ANO6: variants seen among roughly 807,000 people sequenced by gnomAD.
The protein encoded by ANO6 is anoctamin 6, also known as anoctamin-6.
ANO6 carries 106 observed loss-of-function variants against 117.5 expected under a neutral mutation model. That is an observed-to-expected ratio of 0.90 (90% CI 0.77 to 1.06). The LOEUF (loss-of-function observed/expected upper bound fraction) is 1.06, where lower values mean the gene tolerates loss of function less well. Among genes scored for constraint, ANO6 ranks in the 50% least tolerant of loss-of-function variants. ANO6 has a pLI of 0.00. For synonymous variants in ANO6, 367 were observed against 385.1 expected (o/e 0.95, Z 0.55); for missense variants, 955 against 1,121.1 (o/e 0.85, Z 2.12).
intron 8 of ANO6, among the ~76,000 whole-genome samples, chr12:45,358,781 TC>T (rs935550960): frequency 6.6e-6 from 1 of 150,894 alleles, no homozygotes; most frequent in African/African-American, 2.4e-5. Flanking sequence ...CTTATGTCCC[TC>T]CTTTTTTTTT....
chr12:45,380,574 G>A (rs889979925), intron 10 of ANO6, among the ~76,000 whole-genome samples: 3 of 152,172 alleles, frequency 2.0e-5, no homozygotes, highest in African/African-American at 7.2e-5. Context: ...ACTCTGTTCA[G>A]CCCAGTTTCT....
chr12:45,320,588 A>G (rs943096820), intron 2 of ANO6, among the ~76,000 whole-genome samples: 1 of 152,144 alleles, frequency 6.6e-6, no homozygotes, highest in Non-Finnish European at 1.5e-5. Context: ...AGAAGAATGT[A>G]TATTCTGTTG....
At chr12:45,362,137 A>T (rs1198528990) in intron 8 of ANO6, among the ~76,000 whole-genome samples, 1 of 151,646 alleles carries the variant, frequency 6.6e-6, no homozygotes, top group Non-Finnish European at 1.5e-5. Context: ...TGCAGGAATT[A>T]TTTTTTTTCT....
At chr12:45,388,725 A>T (rs1399957348) in intron 11 of ANO6, among the ~76,000 whole-genome samples, 11 of 152,116 alleles carry the variant, frequency 7.2e-5, no homozygotes. Context: ...TTTATCTTGC[A>T]GTAAGCCTCA....
rs992948278 is a variant in ANO6, at chr12:45,314,480, C to T, written c.150+12387C>T. On this transcript the variant is annotated intron_variant, in intron 2 of 19. Coordinates refer to ENST00000320560, the MANE Select transcript of ANO6 (RefSeq NM_001025356.3). ...ATTATATATATATTATATATACACA[C>T]ACACACACACACATATATACATATA... 1.7e-3 allele frequency among the ~76,000 whole-genome samples: 254 copies of T among 149,404 alleles called. 2 individuals carry two copies. The highest frequency in any genetic ancestry group is 0.014 in the Middle Eastern group (4 of 284).
intron 1 of ANO6, among the ~76,000 whole-genome samples, chr12:45,280,782 G>A (rs1938700342): frequency 6.6e-6 from 1 of 151,910 alleles, no homozygotes; most frequent in Admixed American, 6.6e-5. Flanking sequence ...AAACCTGCAG[G>A]GGCTACTGCC....
At chr12:45,302,805 A>G (rs572585816) in intron 2 of ANO6, among the ~76,000 whole-genome samples, 6 of 152,302 alleles carry the variant, frequency 3.9e-5, no homozygotes, top group African/African-American at 1.4e-4. Context: ...TCTGTGACTC[A>G]TGTACCATAT....
intron 17 of ANO6, among the ~76,000 whole-genome samples, chr12:45,417,815 G>A (rs1307877379): frequency 6.6e-6 from 1 of 152,146 alleles, no homozygotes; most frequent in Non-Finnish European, 1.5e-5. Flanking sequence ...ACAGAAGTTG[G>A]CAGTGCCTGT....
intron 3 of ANO6, among the ~76,000 whole-genome samples, chr12:45,336,592 C>T (rs1450349636): frequency 1.3e-5 from 2 of 151,922 alleles, no homozygotes; most frequent in Non-Finnish European, 2.9e-5. Context: ...TGTCTGTGGT[C>T]ATGCTGGTAT....
chr12:45,375,800 G>T (rs1941995347), intron 9 of ANO6, among the ~76,000 whole-genome samples: 1 of 150,200 alleles, frequency 6.7e-6, no homozygotes, highest in African/African-American at 2.4e-5. Context: ...CATGGGCAAG[G>T]ACTTCATGTC....
rs1941195303 is a variant in ANO6, at chr12:45,348,310, C to T, written c.628C>T (p.Arg210Cys). The T allele has an allele frequency of 6.2e-7, 1 of 1,613,864 alleles. No homozygotes were observed. Among genetic ancestry groups the T allele is most frequent in the South Asian group, 1.1e-5 (1 of 91,072 alleles). Residue 210 changes from arginine to cysteine, a missense_variant, in exon 5 of 20, where the codon CGC (arginine) becomes TGC (cysteine). Coordinates refer to ENST00000320560, the MANE Select transcript of ANO6 (RefSeq NM_001025356.3). ...DAFFNPATRS[R>C]IVYFILSRVK... ...TTTCTTCAATCCAGCCACCAGAAGC[C>T]GCATTGTAAGTCTAAACCAAATTTA...
At chr12:45,395,470 A>C (rs1487518198) in intron 12 of ANO6, among the ~76,000 whole-genome samples, 1 of 152,184 alleles carries the variant, frequency 6.6e-6, no homozygotes, top group Admixed American at 6.5e-5. Flanking sequence ...AAAAAGAGGG[A>C]ATCCTCCCTA....
At chr12:45,310,664 A>C (rs1939820050) in intron 2 of ANO6, among the ~76,000 whole-genome samples, 1 of 152,076 alleles carries the variant, frequency 6.6e-6, no homozygotes, top group South Asian at 2.1e-4. Context: ...CTGCCCAAGA[A>C]TATTTTAGAA....
At chr12:45,433,886 G>T (rs2137750153), downstream of ANO6, among the ~76,000 whole-genome samples, 1 of 152,296 alleles carries the variant, frequency 6.6e-6, no homozygotes, top group East Asian at 1.9e-4. Flanking sequence ...TTTATTTGGG[G>T]AGATGTTTTC....
intron 16 of ANO6, among the ~76,000 whole-genome samples, chr12:45,413,593 G>A (rs749891133): frequency 9.2e-5 from 14 of 152,202 alleles, no homozygotes; most frequent in Non-Finnish European, 1.9e-4. Context: ...AGGCCCGGGG[G>A]TAAAGGGACA....
intron 3 of ANO6, among the ~76,000 whole-genome samples, chr12:45,345,562 G>C (rs1192548705): frequency 6.6e-6 from 1 of 152,154 alleles, no homozygotes; most frequent in African/African-American, 2.4e-5. Context: ...TTCAGTGTAA[G>C]GCTTGCCCCA....
At chr12:45,436,162 C>A (rs1436864388), downstream of ANO6, among the ~76,000 whole-genome samples, 1 of 152,080 alleles carries the variant, frequency 6.6e-6, no homozygotes, top group African/African-American at 2.4e-5. Flanking sequence ...ACCCTAGGAC[C>A]AACCAGAGAA....
At chr12:45,379,804 T>G (rs941275812) in intron 10 of ANO6, among the ~76,000 whole-genome samples, 1 of 152,262 alleles carries the variant, frequency 6.6e-6, no homozygotes, top group African/African-American at 2.4e-5. Flanking sequence ...GACTTACACA[T>G]TAGCTGCTGA....
chr12:45,421,438 T>C (rs1943362356), intron 18 of ANO6, among the ~76,000 whole-genome samples, 165 bp downstream of exon 18: 1 of 152,182 alleles, frequency 6.6e-6, no homozygotes. Flanking sequence ...AGACATTTTT[T>C]CCCCATAGCT....
Sources: allele counts gnomAD v4.1 joint callset (sites outside exome capture counted in the v4.1 genomes callset), GRCh38; gene constraint gnomAD v4.1.1; transcripts MANE v1.5; gene names NCBI Gene and HGNC (gene_info 2026-07-23, HGNC 2026-07-21).